PDE9A: variants seen among roughly 807,000 people sequenced by gnomAD.
The protein encoded by PDE9A is phosphodiesterase 9A.
PDE9A carries 60 observed loss-of-function variants against 87.4 expected under a neutral mutation model. That is an observed-to-expected ratio of 0.69 (90% CI 0.56 to 0.85). The LOEUF is 0.85. Ranked by LOEUF, PDE9A falls within the 40% of genes least tolerant of loss-of-function variation. The pLI is 0.00. For missense variants in PDE9A, 665 were observed against 779.0 expected, an observed-to-expected ratio of 0.85 and a Z score of 1.74; for synonymous variants, 272 against 279.4, an observed-to-expected ratio of 0.97 and a Z score of 0.27.
At chr21:42,657,719 G>A (rs927944610) in intron 1 of PDE9A, among the ~76,000 whole-genome samples, 5 of 152,240 alleles carry the variant, frequency 3.3e-5, no homozygotes, top group African/African-American at 1.2e-4. Context: ...CCAGGCTGTG[G>A]GCTCGGGTGT....
chr21:42,701,598 G>A (rs187773702), intron 4 of PDE9A, among the ~76,000 whole-genome samples: 29 of 151,740 alleles, frequency 1.9e-4, no homozygotes, highest in South Asian at 1.5e-3. Flanking sequence ...CACCATGCCC[G>A]GCGAATTTTT....
intron 1 of PDE9A, among the ~76,000 whole-genome samples, chr21:42,676,784 C>G (rs918684993): frequency 6.6e-6 from 1 of 152,210 alleles, no homozygotes; most frequent in Non-Finnish European, 1.5e-5. Flanking sequence ...TGTGGCTGCT[C>G]TTAGAAATCA....
chr21:42,710,599 T>TCC (rs2049244306), intron 4 of PDE9A, among the ~76,000 whole-genome samples: 2 of 152,316 alleles, frequency 1.3e-5, no homozygotes, highest in African/African-American at 4.8e-5. Context: ...CTTATAGTTT[T>TCC]AATTTGCATT....
At chr21:42,765,807 T>C (rs554273603) in intron 15 of PDE9A, among the ~76,000 whole-genome samples, 1 of 152,170 alleles carries the variant, frequency 6.6e-6, no homozygotes, top group South Asian at 2.1e-4. Context: ...AGCTCTCCCA[T>C]GAAGGCACAG....
rs1287406270 is a variant in PDE9A, at chr21:42,732,089, G to T, written c.462G>T (p.Gln154His). Residue 154 changes from glutamine (Q) to histidine (H), a missense_variant, in exon 6 of 20, where the codon CAG (glutamine) becomes CAT (histidine). Physicochemically the swap from Gln to His is conservative, Grantham distance 24 (BLOSUM62 0). Coordinates refer to ENST00000291539, the MANE Select transcript of PDE9A (RefSeq NM_002606.3). Reference sequence around the variant, plus strand: ...TTGTAGAGAGAGAAGAATTAATCCAGAGCGTGCTGGCGCAGGTTGCAGAGC... The same window carrying T: ...TTGTAGAGAGAGAAGAATTAATCCATAGCGTGCTGGCGCAGGTTGCAGAGC... ...RIPPEREELI[Q>H]SVLAQVAEQF... 6 of 1,614,112 alleles carry T rather than the reference G, an allele frequency of 3.7e-6. No individual in the cohort carries two copies. In the African/African-American group the frequency reaches 8.0e-5, roughly 22 times the overall value.
rs200654083 is a variant in PDE9A, at chr21:42,772,459, C to T, written c.1707C>T (p.Ser569=). 7.5e-6 allele frequency: 12 copies of T among 1,603,730 alleles called. No homozygotes were observed. The highest frequency in any genetic ancestry group is 1.0e-5 in the Non-Finnish European group (12 of 1,175,906). ...TCCAGTTACAGAAGAAGACTGACAG[C>T]TTGACGTCTGGGGCCACCGAGAAGT... is the stretch of plus-strand genomic sequence containing the variant. ...AMKELQKKTD[S]LTSGATEKSR... is the part of the protein sequence containing the mutation. Residue 569 remains serine, a synonymous_variant, in exon 19 of 20, where the codon AGC becomes AGT. Transcript: ENST00000291539.
In PDE9A at chr21:42,653,826, C is replaced by T. The variant is rs2056826248; in HGVS notation, c.12C>T (p.Gly4=). The T allele has an allele frequency of 6.4e-7, 1 of 1,563,846 alleles. No individual in the cohort carries two copies. Among genetic ancestry groups the T allele is most frequent in the Non-Finnish European group, 8.7e-7 (1 of 1,155,926 alleles). ...CCGCCGGGCGCAGGATGGGATCCGG[C>T]TCCTCCAGCTACCGGCCCAAGGCCA... is the stretch of plus-strand genomic sequence containing the variant. The part of the protein sequence containing the change: MGS[G]SSSYRPKAIY... Residue 4 remains glycine, a synonymous_variant, in exon 1 of 20, where the codon GGC becomes GGT. Coordinates refer to ENST00000291539, the MANE Select transcript of PDE9A (RefSeq NM_002606.3).
At chr21:42,766,962 C>T (rs920449639) in intron 15 of PDE9A, among the ~76,000 whole-genome samples, 1 of 152,268 alleles carries the variant, frequency 6.6e-6, no homozygotes, top group South Asian at 2.1e-4. Context: ...GTCCCCACTC[C>T]CACCCCACCC....
chr21:42,698,284 G>C (rs1257818373), intron 3 of PDE9A, among the ~76,000 whole-genome samples: 2 of 152,200 alleles, frequency 1.3e-5, no homozygotes, highest in Non-Finnish European at 2.9e-5. Flanking sequence ...GCTGGGTCAA[G>C]GAATAGCATC....
At position 42,660,784 on chromosome 21, in the gene PDE9A, T is replaced by A. The variant is rs577239656; in HGVS notation, c.69+6901T>A. Among the ~76,000 whole-genome samples, 69 of 152,150 alleles carry A rather than the reference T, an allele frequency of 4.5e-4. No individual in the cohort carries two copies. The South Asian group carries it at 6.2e-3, about 14-fold the overall frequency. ...CCCAGTGCACTCAGCCACCCAGGGGTGGCTCCCAACATTTTCAAGCTCAAA... is the reference window on the plus strand; with the variant it reads ...CCCAGTGCACTCAGCCACCCAGGGGAGGCTCCCAACATTTTCAAGCTCAAA... On this transcript the variant is annotated intron_variant, in intron 1 of 19. Coordinates refer to ENST00000291539, the MANE Select transcript of PDE9A (RefSeq NM_002606.3). This position sits in a 1 kb window ranked among gnomAD's most constrained non-coding sequence, Gnocchi z 4.7.
rs2048497258 is a variant in PDE9A, at chr21:42,702,984, G to A, written c.262+3973G>A. On this transcript the variant is annotated intron_variant, in intron 4 of 19. Coordinates refer to ENST00000291539, the MANE Select transcript of PDE9A (RefSeq NM_002606.3). The surrounding 1 kb of genome is among the most constrained non-coding windows in gnomAD (Gnocchi z 4.9). ...ACGAAAGGGAAGTGGCAGCAAAGGTGGAGGCAGAGAAATCCAAGAGGAAGC... is the reference window on the plus strand; with the variant it reads ...ACGAAAGGGAAGTGGCAGCAAAGGTAGAGGCAGAGAAATCCAAGAGGAAGC... 6.6e-6 allele frequency among the ~76,000 whole-genome samples: 1 copy of A among 152,256 alleles called. No homozygotes were observed. The highest frequency in any genetic ancestry group is 2.1e-4 in the South Asian group (1 of 4,836).
intron 1 of PDE9A, among the ~76,000 whole-genome samples, chr21:42,661,441 C>G (rs1358150113): frequency 6.8e-6 from 1 of 147,662 alleles, no homozygotes; most frequent in African/African-American, 2.5e-5. Flanking sequence ...TTTCTATCTC[C>G]ATGAAACTGC....
intron 13 of PDE9A, 116 bp from the exon 14 acceptor site, chr21:42,761,967 C>T: frequency 8.5e-6 from 9 of 1,059,858 alleles, no homozygotes; most frequent in Non-Finnish European, 1.2e-5. Context: ...CCCCCAGCCC[C>T]CACGGCACCT....
At chr21:42,736,780 C>T (rs943126314) in intron 7 of PDE9A, among the ~76,000 whole-genome samples, 1 of 152,352 alleles carries the variant, frequency 6.6e-6, no homozygotes, top group African/African-American at 2.4e-5. Flanking sequence ...CACACCCCCA[C>T]CCCAGGAGGC....
intron 4 of PDE9A, among the ~76,000 whole-genome samples, chr21:42,728,817 TGCTAAA>T (rs2051411263): frequency 6.6e-6 from 1 of 151,960 alleles, no homozygotes; most frequent in Non-Finnish European, 1.5e-5. Flanking sequence ...CTGGCTAACA[TGCTAAA>T]ACCCCGGCTC....
rs560457976 is a variant in PDE9A, at chr21:42,733,537, C to T, written c.568+111C>T. On this transcript the variant is annotated intron_variant, in intron 7 of 19. Transcript: ENST00000291539. ...GCCGAAGGTAAATACAAATAAATGT[C>T]TTTTCTTTGTGAAATACTTGAAAAT... is the stretch of plus-strand genomic sequence containing the variant. The T allele has an allele frequency of 1.9e-5, 13 of 673,626 alleles. No individual in the cohort carries two copies. The South Asian group carries it at 2.1e-4, about 11-fold the overall frequency. 41.7% of individuals were successfully genotyped at this position (673,626 alleles called of 1,614,324 possible). A position where few individuals can be genotyped will look rare whatever the true frequency, so the allele number is the denominator to read the frequency against.
chr21:42,657,795 T>A (rs2057196148), intron 1 of PDE9A, among the ~76,000 whole-genome samples: 1 of 152,220 alleles, frequency 6.6e-6, no homozygotes, highest in South Asian at 2.1e-4. Flanking sequence ...TGCCCTGACC[T>A]GGCGGCCCCC....
At chr21:42,681,493 CTTGCCTGTGG>C (rs1337647651) in intron 1 of PDE9A, among the ~76,000 whole-genome samples, 3 of 152,196 alleles carry the variant, frequency 2.0e-5, no homozygotes, top group African/African-American at 7.2e-5. Flanking sequence ...TAGACTAGTG[CTTGCCTGTGG>C]TTGGCACCTG....
chr21:42,670,748 TAC>T (rs1228995967), intron 1 of PDE9A, among the ~76,000 whole-genome samples: 2 of 143,654 alleles, frequency 1.4e-5, no homozygotes, highest in Admixed American at 6.9e-5. Flanking sequence ...TTCACACACA[TAC>T]ACTCACATTC....
Sources: allele counts gnomAD v4.1 joint callset (sites outside exome capture counted in the v4.1 genomes callset), GRCh38; gene constraint gnomAD v4.1.1; non-coding constraint Gnocchi (gnomAD v3.1); transcripts MANE v1.5; gene names NCBI Gene and HGNC (gene_info 2026-07-23, HGNC 2026-07-21).